The following VPS13A variants were observed in gnomAD, a reference collection of about 807,000 sequenced individuals.
VPS13A encodes the protein intermembrane lipid transfer protein VPS13A.
VPS13A carries 264 observed loss-of-function variants against 390.9 expected under a neutral mutation model. The observed-to-expected ratio is 0.68, with a 90% CI of 0.61 to 0.75. The LOEUF is 0.75. Among genes scored for constraint, VPS13A ranks in the 30% least tolerant of loss-of-function variants. The pLI is 0.00. For missense variants in VPS13A, 3,409 were observed against 3,733.9 expected (o/e 0.91, Z 2.27); for synonymous variants, 1,231 against 1,227.1 (o/e 1.00, Z -0.07).
chr9:77,239,035 CCTTTA>C (rs1409897864), intron 19 of VPS13A, among the ~76,000 whole-genome samples: 24 of 151,828 alleles, frequency 1.6e-4, no homozygotes, highest in Admixed American at 1.6e-3. Context: ...GATTGTTAAT[CCTTTA>C]CTTCAAATTT....
intron 35 of VPS13A, among the ~76,000 whole-genome samples, chr9:77,313,007 G>A (rs1044894397): frequency 6.6e-6 from 1 of 152,048 alleles, no homozygotes; most frequent in Non-Finnish European, 1.5e-5. Flanking sequence ...CTTATTTATA[G>A]TAGCCCAAAT....
intron 50 of VPS13A, among the ~76,000 whole-genome samples, chr9:77,341,727 GC>G (rs1830836004): frequency 1.1e-4 from 4 of 37,550 alleles, no homozygotes; most frequent in East Asian, 5.7e-4. Context: ...TTTTGCTTTT[GC>G]TGTGTCTGAA....
chr9:77,362,608 A>C (rs923540321), intron 59 of VPS13A, among the ~76,000 whole-genome samples: 1 of 152,154 alleles, frequency 6.6e-6, no homozygotes, highest in Non-Finnish European at 1.5e-5. Context: ...GTCCTTTGAA[A>C]TTTCATATGA....
intron 68 of VPS13A, among the ~76,000 whole-genome samples, chr9:77,398,137 A>T (rs541176046): frequency 2.3e-4 from 35 of 152,198 alleles, no homozygotes; most frequent in Non-Finnish European, 4.0e-4. Flanking sequence ...GGAAGATAGG[A>T]TTTTTGACAC....
intron 26 of VPS13A, among the ~76,000 whole-genome samples, chr9:77,279,616 C>T (rs182501021): frequency 2.0e-5 from 3 of 152,220 alleles, no homozygotes; most frequent in Non-Finnish European, 2.9e-5. Context: ...TGCTGGGGAA[C>T]TGCCCTCTTC....
intron 45 of VPS13A, among the ~76,000 whole-genome samples, chr9:77,330,718 A>G (rs1830236318): frequency 6.6e-6 from 1 of 152,162 alleles, no homozygotes; most frequent in Non-Finnish European, 1.5e-5. Flanking sequence ...ATTGTAATAC[A>G]GATGTCTCCA....
intron 52 of VPS13A, among the ~76,000 whole-genome samples, chr9:77,348,049 G>C (rs1371424702): frequency 7.9e-5 from 12 of 152,138 alleles, no homozygotes; most frequent in Non-Finnish European, 1.5e-4. Flanking sequence ...TTCAACCATT[G>C]TGGAAGACAG....
At chr9:77,307,814 TA>T in intron 34 of VPS13A, 130 bp from the exon 35 acceptor site, 1 of 751,350 alleles carries the variant, frequency 1.3e-6, no homozygotes, top group Non-Finnish European at 2.1e-6. Context: ...ATTCAGTTTG[TA>T]AAAATGTTTA....
chr9:77,303,157 C>T (rs1467014082), intron 34 of VPS13A, 95 bp downstream of exon 34: 1 of 1,268,064 alleles, frequency 7.9e-7, no homozygotes, highest in Admixed American at 1.7e-5. Context: ...TTTGTATATA[C>T]ATAATCACCT....
intron 22 of VPS13A, among the ~76,000 whole-genome samples, chr9:77,254,573 T>C (rs990437956): frequency 2.0e-5 from 3 of 152,210 alleles, no homozygotes; most frequent in Middle Eastern, 3.2e-3. Flanking sequence ...AAAAATGTTA[T>C]AGAGATTCTA....
intron 23 of VPS13A, among the ~76,000 whole-genome samples, chr9:77,271,490 A>G (rs1826351792): frequency 6.6e-6 from 1 of 152,208 alleles, no homozygotes; most frequent in Admixed American, 6.5e-5. Context: ...TCACATGCCT[A>G]CCAAAAGACT....
intron 17 of VPS13A, 97 bp downstream of exon 17, chr9:77,228,361 T>C (rs1823642041): frequency 3.4e-6 from 4 of 1,181,308 alleles, no homozygotes; most frequent in East Asian, 2.6e-5. Flanking sequence ...AAGAGCACTA[T>C]AGTTTCATAT....
intron 68 of VPS13A, chr9:77,390,171 G>A (rs1420235793): frequency 2.2e-6 from 2 of 930,220 alleles, no homozygotes; most frequent in Admixed American, 6.2e-5. Flanking sequence ...GGAGACAAAG[G>A]CTATTGGACT....
chr9:77,184,490 G>T (rs1274695222), intron 1 of VPS13A, among the ~76,000 whole-genome samples: 2 of 152,092 alleles, frequency 1.3e-5, no homozygotes, highest in African/African-American at 4.8e-5. Context: ...GTGGTGGCGG[G>T]CACCTGTAGT....
chr9:77,229,074 A>G (rs1823678823), intron 17 of VPS13A, among the ~76,000 whole-genome samples: 1 of 151,828 alleles, frequency 6.6e-6, no homozygotes, highest in Admixed American at 6.6e-5. Flanking sequence ...CTAGAACTTT[A>G]TTTTATTTTA....
At chr9:77,358,268 T>C in intron 56 of VPS13A, 89 bp from the exon 57 acceptor site, 1 of 1,225,998 alleles carries the variant, frequency 8.2e-7, no homozygotes. Flanking sequence ...CGCTAGACTT[T>C]TTGATTCTTT....
Position 77,295,798 on chromosome 9 carries a change from C to A in VPS13A, c.3764C>A (p.Pro1255His). Residue 1255 changes from proline (P) to histidine (H), a missense_variant, in exon 33 of 72, where the codon CCT becomes CAT. Pro to His is a moderately conservative substitution (Grantham distance 77). Around this residue, in one of 5 missense-constraint regions of VPS13A, gnomAD observed 2,717 missense variants for 2,917.4 expected, o/e 0.93. Transcript: ENST00000360280. ...ACAGAGAGCCAGAGCTCTCCCCCAC[C>A]TGTTATTGATTTGATAACAATAAAG... Reference protein sequence around the residue: ...MITESQSSPPPVIDLITIKLS... With the variant: ...MITESQSSPPHVIDLITIKLS... 1.2e-6 allele frequency: 2 copies of A among 1,613,984 alleles called. No individual in the cohort carries two copies. The highest frequency in any genetic ancestry group is 1.7e-6 in the Non-Finnish European group (2 of 1,179,942).
rs1386428042 is a variant in VPS13A, at chr9:77,303,026, T to G, written c.3924T>G (p.Pro1308=). The change falls in exon 34 of 72, where the codon CCT becomes CCG. Residue 1308 remains proline, a synonymous_variant. Transcript: ENST00000360280. ...GCTGGGAGTGGTACCAGGAAGTTCC[T>G]TGTTTTAATGTAAATGCTCAGCTGA... ...NLCWEWYQEV[P]CFNVNAQLKP... 1 of 1,613,960 alleles carries G rather than the reference T, an allele frequency of 6.2e-7. No individual in the cohort carries two copies. The highest frequency in any genetic ancestry group is 8.5e-7 in the Non-Finnish European group (1 of 1,179,992).
intron 71 of VPS13A, among the ~76,000 whole-genome samples, chr9:77,410,720 G>T (rs994170678): frequency 1.3e-5 from 2 of 152,034 alleles, no homozygotes; most frequent in Non-Finnish European, 2.9e-5. Context: ...ATGGTAAAGG[G>T]ATCAATTCAA....
Sources: gnomAD v4.1 joint callset for allele counts (sites outside exome capture counted in the v4.1 genomes callset) on GRCh38, gnomAD v4.1.1 for gene constraint, gnomAD v4.1.1 regional missense constraint, MANE v1.5 for transcripts, NCBI Gene and HGNC (gene_info 2026-07-23, HGNC 2026-07-21) for gene names.